The following RSPH6A variants were observed in gnomAD, a reference collection of about 807,000 sequenced individuals.
RSPH6A encodes radial spoke head 6 homolog A.
Under a neutral mutation model 66.1 loss-of-function variants are expected in RSPH6A, and 49 were observed. The observed-to-expected ratio is 0.74, with a 90% CI of 0.59 to 0.94. The LOEUF is 0.94. Ranked by LOEUF, RSPH6A falls within the 40% of genes least tolerant of loss-of-function variation. RSPH6A has a pLI of 0.00. For synonymous variants in RSPH6A, 419 were observed against 402.4 expected, an observed-to-expected ratio of 1.04 and a Z score of -0.49; for missense variants, 977 against 948.3, an observed-to-expected ratio of 1.03 and a Z score of -0.40.
chr19:45,807,765 C>A (rs1473804142), intron 2 of RSPH6A, among the ~76,000 whole-genome samples: 1 of 152,182 alleles, frequency 6.6e-6, no homozygotes, highest in Non-Finnish European at 1.5e-5. Flanking sequence ...CCCGCTTTGG[C>A]CTCCCAAAGT....
rs1282335798 is a variant in RSPH6A, at chr19:45,804,316, G to A, written c.1589C>T (p.Pro530Leu). 6.2e-7 allele frequency: 1 copy of A among 1,614,170 alleles called. No individual in the cohort carries two copies. The highest frequency in any genetic ancestry group is 1.7e-5 in the Admixed American group (1 of 60,020). ...CATGGAGTCGACCAGCTCCAGCACG[G>A]GGATGCCCTCGAAGTCCGGGTTCTC... ...YEENPDFEGI[P>L]VLELVDSMAN... Residue 530 changes from proline (P) to leucine (L), a missense_variant, in exon 3 of 6, where the codon CCC becomes CTC. Physicochemically the swap from Pro to Leu is moderately conservative, Grantham distance 98. Transcript: ENST00000221538. This position sits in a 1 kb window ranked among gnomAD's most constrained non-coding sequence, Gnocchi z 5.8.
chr19:45,815,241 A>C lies in RSPH6A; in HGVS notation c.-65T>G, dbSNP rs1036944707. Reference sequence around the variant, plus strand: ...CAGACAAGGAGGCCAAGCGAGAGCCACCTGTCGACACCGCCGGTTTCTGAG... The same window carrying C: ...CAGACAAGGAGGCCAAGCGAGAGCCCCCTGTCGACACCGCCGGTTTCTGAG... On this transcript the variant is annotated 5_prime_UTR_variant, in exon 1 of 6. Transcript: ENST00000221538. The C allele has an allele frequency of 2.1e-6, 3 of 1,426,250 alleles. No individual in the cohort carries two copies. The highest frequency in any genetic ancestry group is 1.4e-5 in the African/African-American group (1 of 69,672). The allele number at this position is 1,426,250 out of a possible 1,614,324, so 88.3% of individuals were successfully genotyped here.
Position 45,804,659 on chromosome 19 carries a change from T to G in RSPH6A, c.1246A>C (p.Lys416Gln). ...TTGGCGCCTGAGCGGCTCTCCTCCT[T>G]GGGGATCACGGGCGGCGGCTTCCAT... ...SVWKPPPVIP[K>Q]EESRSGANKY... The change falls in exon 3 of 6, where the codon AAG becomes CAG. Residue 416 changes from lysine to glutamine, a missense_variant. By Grantham distance (53) the Lys-to-Gln change is moderately conservative (BLOSUM62 1). Transcript: ENST00000221538. This position sits in a 1 kb window ranked among gnomAD's most constrained non-coding sequence, Gnocchi z 5.8. The G allele has an allele frequency of 6.2e-7, 1 of 1,613,996 alleles. No individual in the cohort carries two copies.
chr19:45,805,776 T>G (rs1183501731), intron 2 of RSPH6A, among the ~76,000 whole-genome samples: 1 of 152,150 alleles, frequency 6.6e-6, no homozygotes, highest in East Asian at 1.9e-4. Flanking sequence ...GCCAGTGAGA[T>G]GTAGGGAAAG....
intron 3 of RSPH6A, among the ~76,000 whole-genome samples, chr19:45,802,579 T>C (rs1461175016): frequency 1.3e-5 from 2 of 149,528 alleles, no homozygotes; most frequent in African/African-American, 4.9e-5. Flanking sequence ...CAATCTTGGC[T>C]CACTGCAACC....
At chr19:45,802,471 G>A (rs1053897432) in intron 3 of RSPH6A, among the ~76,000 whole-genome samples, 9 of 151,660 alleles carry the variant, frequency 5.9e-5, no homozygotes, top group African/African-American at 9.7e-5. Flanking sequence ...CTGACTGTGC[G>A]ACCCCCATTC....
chr19:45,798,748 A>G (rs1970435138), intron 5 of RSPH6A, among the ~76,000 whole-genome samples: 1 of 151,120 alleles, frequency 6.6e-6, no homozygotes, highest in African/African-American at 2.4e-5. Flanking sequence ...CTGAGGCAGG[A>G]GAATGGCATG....
At chr19:45,803,862 G>A (rs1230038710) in intron 3 of RSPH6A, among the ~76,000 whole-genome samples, 2 of 149,524 alleles carry the variant, frequency 1.3e-5, no homozygotes, top group Non-Finnish European at 3.0e-5. Flanking sequence ...GTGTGGCAGC[G>A]TGTGCCTGTA....
chr19:45,810,662 C>T lies in RSPH6A; in HGVS notation c.829G>A (p.Ala277Thr). 1 of 1,614,144 alleles carries T rather than the reference C, an allele frequency of 6.2e-7. No individual in the cohort carries two copies. Among genetic ancestry groups the T allele is most frequent in the Non-Finnish European group, 8.5e-7 (1 of 1,180,022 alleles). The part of the protein sequence containing the change: ...PTYKMAEKQK[A>T]LFTRSGGGTE... ...CCGCCTCCACTCCGGGTGAACAGCG[C>T]CTTCTGTTTCTCCGCCATCTTGTAG... is the stretch of plus-strand genomic sequence containing the variant. Residue 277 changes from alanine (A) to threonine (T), a missense_variant, in exon 2 of 6, where the codon GCG (alanine) becomes ACG (threonine). Coordinates refer to ENST00000221538, the MANE Select transcript of RSPH6A (RefSeq NM_030785.4).
chr19:45,813,341 A>G (rs1459531676), intron 1 of RSPH6A, among the ~76,000 whole-genome samples: 1 of 151,766 alleles, frequency 6.6e-6, no homozygotes, highest in Non-Finnish European at 1.5e-5. Flanking sequence ...GCCTTCACTG[A>G]CCCACACAAT....
intron 5 of RSPH6A, among the ~76,000 whole-genome samples, chr19:45,798,018 A>G (rs567437827): frequency 1.3e-5 from 2 of 152,216 alleles, no homozygotes; most frequent in South Asian, 4.2e-4. Flanking sequence ...AGATGGGAGG[A>G]AAGGGAGGGG....
At chr19:45,803,537 G>A (rs977965692) in intron 3 of RSPH6A, among the ~76,000 whole-genome samples, 6 of 152,000 alleles carry the variant, frequency 3.9e-5, no homozygotes, top group Admixed American at 2.6e-4. Flanking sequence ...TTAGTTGGGC[G>A]TGATGGCACA....
chr19:45,798,060 C>T (rs1399524291), intron 5 of RSPH6A, among the ~76,000 whole-genome samples: 1 of 151,964 alleles, frequency 6.6e-6, no homozygotes, highest in African/African-American at 2.4e-5. Context: ...GAGACAGAGA[C>T]TGATAAAGAG....
intron 2 of RSPH6A, among the ~76,000 whole-genome samples, 160 bp from the exon 3 acceptor site, chr19:45,805,176 C>T (rs1970528262): frequency 6.6e-6 from 1 of 152,180 alleles, no homozygotes. Context: ...GCTGGCTGAT[C>T]ACTTGAGGTC....
At chr19:45,802,298 A>G in intron 3 of RSPH6A, 34 bp from the exon 4 acceptor site, 1 of 1,328,360 alleles carries the variant, frequency 7.5e-7, no homozygotes. Context: ...TGATGGCCCC[A>G]GTGCACGGAA....
Position 45,810,798 on chromosome 19 carries a change from C to G in RSPH6A, c.693G>C (p.Gln231His). 1.2e-6 allele frequency: 2 copies of G among 1,613,576 alleles called. No individual in the cohort carries two copies. Among genetic ancestry groups the G allele is most frequent in the Non-Finnish European group, 1.7e-6 (2 of 1,179,588 alleles). The change falls in exon 2 of 6, where the codon CAG becomes CAC. Residue 231 changes from glutamine (Q) to histidine (H), a missense_variant. Gln to His is a conservative substitution (Grantham distance 24). Coordinates refer to ENST00000221538, the MANE Select transcript of RSPH6A (RefSeq NM_030785.4). ...GGACAGACAAGGGGTCCTCAGGCCG[C>G]TGGTTCAGGATCTTGGTCAGCAGAT... ...LVNLLTKILN[Q>H]RPEDPLSVLE...
chr19:45,795,909 T>TCCTCCTCCTCGC lies in RSPH6A; in HGVS notation c.2113_2114insGCGAGGAGGAGG (p.Glu704_Glu705insGlyGluGluGlu), dbSNP rs1555790884. The TCCTCCTCCTCGC allele has an allele frequency of 2.1e-6, 3 of 1,435,790 alleles. No homozygotes were observed. Among genetic ancestry groups the TCCTCCTCCTCGC allele is most frequent in the South Asian group, 2.8e-5 (2 of 70,414 alleles). 88.9% of individuals were successfully genotyped at this position (1,435,790 alleles called of 1,614,324 possible). On this transcript the variant is annotated inframe_insertion, in exon 6 of 6. Transcript: ENST00000221538. ...CTCGCCCTCCTCCTCCTCCTCGCCCTCCTCCTCCTCCTCTGTGGCTCCCAG... is the reference window on the plus strand; with the variant it reads ...CTCGCCCTCCTCCTCCTCCTCGCCCTCCTCCTCCTCGCCCTCCTCCTCCTCTGTGGCTCCCAG...
intron 1 of RSPH6A, among the ~76,000 whole-genome samples, 192 bp downstream of exon 1, chr19:45,814,335 T>C (rs4514788): frequency 6.6e-6 from 1 of 152,016 alleles, no homozygotes; most frequent in Non-Finnish European, 1.5e-5. Context: ...ATTAGGTGAG[T>C]GTGTGCAGTG....
intron 5 of RSPH6A, among the ~76,000 whole-genome samples, chr19:45,798,670 T>C (rs1443072086): frequency 3.3e-5 from 5 of 150,480 alleles, no homozygotes; most frequent in African/African-American, 1.2e-4. Context: ...AACCCCGTCT[T>C]TACTAAAAAT....
Sources: gnomAD v4.1 joint callset for allele counts (sites outside exome capture counted in the v4.1 genomes callset) on GRCh38, gnomAD v4.1.1 for gene constraint, Gnocchi (gnomAD v3.1) non-coding constraint, MANE v1.5 for transcripts, NCBI Gene and HGNC (gene_info 2026-07-23, HGNC 2026-07-21) for gene names.